Variants in NDUFAF6 observed in about 807,000 individuals in gnomAD.
NDUFAF6 encodes the protein NADH dehydrogenase (ubiquinone) complex I, assembly factor 6.
A neutral mutation model predicts 40.8 loss-of-function variants in NDUFAF6; 45 were observed. The ratio of observed to expected loss-of-function variants is 1.10; its 90% CI spans 0.87 to 1.42. The LOEUF is 1.42. NDUFAF6 is among the 40% of genes most tolerant of loss of function. NDUFAF6 has a pLI of 0.00. For missense variants in NDUFAF6, 435 were observed against 418.5 expected (o/e 1.04, Z -0.34); for synonymous variants, 185 against 155.9 (o/e 1.19, Z -1.39).
At chr8:95,100,260 C>CAAAAAAA (rs11418114), upstream of NDUFAF6, 1 of 134,204 alleles carries the variant, frequency 7.5e-6, no homozygotes, top group Non-Finnish European at 1.6e-5. Context: ...GGTCTGCATG[C>CAAAAAAA]AAAAAAAAAA....
intron 2 of NDUFAF6, among the ~76,000 whole-genome samples, chr8:95,033,495 T>TTAGATTGAA (rs1398994730): frequency 1.3e-5 from 2 of 152,228 alleles, no homozygotes; most frequent in Non-Finnish European, 2.9e-5. Context: ...TGCAGAGACT[T>TTAGATTGAA]TACATAGTCT....
At chr8:94,986,153 G>A (rs1168752609) in intron 2 of NDUFAF6, among the ~76,000 whole-genome samples, 1 of 152,158 alleles carries the variant, frequency 6.6e-6, no homozygotes, top group Admixed American at 6.5e-5. Context: ...GATTATAGGT[G>A]TGAACCACCT....
rs563461660 is a variant in NDUFAF6, at chr8:95,051,614, T to G, written c.817-560T>G. On this transcript the variant is annotated intron_variant, in intron 7 of 8. Transcript: ENST00000396124. The stretch of plus-strand genomic sequence containing the variant: ...ACCAGGTGTTCGTAGCTCAGAGTGG[T>G]AGGGAGTTAGGTTGGATGGACGAGG... 2.6e-5 allele frequency among the ~76,000 whole-genome samples: 4 copies of G among 152,008 alleles called. No individual in the cohort carries two copies. The East Asian group carries it at 7.7e-4, about 29-fold the overall frequency.
At chr8:94,985,778 C>A (rs1178804548) in intron 2 of NDUFAF6, among the ~76,000 whole-genome samples, 5 of 150,986 alleles carry the variant, frequency 3.3e-5, no homozygotes, top group Non-Finnish European at 7.4e-5. Flanking sequence ...TTGTGATTTG[C>A]CCGCCTTGGC....
At chr8:95,028,336 G>C (rs773961095) in intron 1 of NDUFAF6, among the ~76,000 whole-genome samples, 1 of 152,154 alleles carries the variant, frequency 6.6e-6, no homozygotes, top group Non-Finnish European at 1.5e-5. Context: ...TCTGGGACTG[G>C]ATAATCTCAG....
At chr8:94,986,281 AG>A (rs1370030831) in intron 2 of NDUFAF6, among the ~76,000 whole-genome samples, 9 of 152,234 alleles carry the variant, frequency 5.9e-5, no homozygotes, top group Non-Finnish European at 1.2e-4. Flanking sequence ...GAAGTTTTTA[AG>A]TAGAGCCCTG....
intron 1 of NDUFAF6, among the ~76,000 whole-genome samples, chr8:94,921,631 A>G (rs987855844): frequency 2.6e-5 from 4 of 152,144 alleles, no homozygotes; most frequent in Admixed American, 6.5e-5. Flanking sequence ...GCTCTATACA[A>G]TGCCTTCTCT....
intron 1 of NDUFAF6, among the ~76,000 whole-genome samples, chr8:94,937,363 C>T (rs888613824): frequency 6.6e-6 from 1 of 151,576 alleles, no homozygotes; most frequent in African/African-American, 2.4e-5. Flanking sequence ...ATCACTTGAA[C>T]CCGGGAGGCA....
At chr8:95,059,584 C>T (rs1367591064), downstream of NDUFAF6, among the ~76,000 whole-genome samples, 4 of 152,146 alleles carry the variant, frequency 2.6e-5, no homozygotes, top group African/African-American at 4.8e-5. Context: ...CGTGGTGGCT[C>T]ATGCCTGTCA....
Position 94,979,516 on chromosome 8 carries a change from AAGG to A in NDUFAF6, c.-198-1340_-198-1338del, listed in dbSNP as rs1356758752. Among the ~76,000 whole-genome samples the A allele has an allele frequency of 7.2e-5, 11 of 152,256 alleles. No individual in the cohort carries two copies. In the South Asian group the frequency reaches 2.3e-3, roughly 32 times the overall value. ...AAAAATCTCTTCCTGGGGTCTTATGAAGGAGATTTCAGCATGAGTTTAGTCCAC... is the reference window on the plus strand; with the variant it reads ...AAAAATCTCTTCCTGGGGTCTTATGAAGATTTCAGCATGAGTTTAGTCCAC... On this transcript the variant is annotated intron_variant, in intron 1 of 9. Coordinates refer to the NDUFAF6 transcript ENST00000396111.
intron 2 of NDUFAF6, chr8:95,033,890 C>T (rs1037064811): frequency 2.6e-6 from 1 of 391,670 alleles, no homozygotes; most frequent in African/African-American, 2.1e-5. Context: ...TTAGGGGCAC[C>T]TGGGTCAGAA....
chr8:95,023,989 CA>C (rs35426799), upstream of NDUFAF6, among the ~76,000 whole-genome samples: 11,871 of 124,196 alleles, frequency 0.096, 544 homozygotes, highest in African/African-American at 0.16. Flanking sequence ...GACTCTGTCT[CA>C]AAAAAAAAAA....
At chr8:95,091,807 A>AT (rs11326080) in intron 2 of NDUFAF6, among the ~76,000 whole-genome samples, 99 of 133,076 alleles carry the variant, frequency 7.4e-4, no homozygotes, top group South Asian at 3.6e-3. Flanking sequence ...CCCCTGGCTA[A>AT]TTTTTTTTTT....
chr8:94,925,540 A>G (rs998111437), intron 1 of NDUFAF6, among the ~76,000 whole-genome samples: 4 of 152,092 alleles, frequency 2.6e-5, no homozygotes, highest in Non-Finnish European at 4.4e-5. Flanking sequence ...TTTAGGTTAA[A>G]AAGAAATCCT....
intron 1 of NDUFAF6, among the ~76,000 whole-genome samples, chr8:94,915,190 A>T (rs1309892117): frequency 3.3e-5 from 5 of 151,466 alleles, no homozygotes; most frequent in Non-Finnish European, 5.9e-5. Flanking sequence ...AGCTCAAGTG[A>T]TCCTCCCACC....
intron 1 of NDUFAF6, among the ~76,000 whole-genome samples, chr8:94,973,437 G>A (rs534526465): frequency 1.1e-4 from 17 of 152,328 alleles, no homozygotes; most frequent in Admixed American, 2.6e-4. Flanking sequence ...GGCTGGGTGC[G>A]GTGGCTCACG....
chr8:95,035,578 TAAAA>T lies in NDUFAF6; in HGVS notation c.420+12_420+15del. On this transcript the variant is annotated splice_donor_5th_base_variant and intron_variant, in intron 3 of 8. Transcript: ENST00000396124. ...CCTGTGGCCATTGAACTATGGAAGG[TAAAA>T]AAAAAAAAATACCACTTTTAATTTG... The T allele has an allele frequency of 1.4e-6, 2 of 1,432,212 alleles. No individual in the cohort carries two copies. The highest frequency in any genetic ancestry group is 1.4e-5 in the African/African-American group (1 of 70,374). 88.7% of individuals were successfully genotyped at this position (1,432,212 alleles called of 1,614,324 possible). A position where few individuals can be genotyped will look rare whatever the true frequency, so the allele number is the denominator to read the frequency against.
intron 1 of NDUFAF6, among the ~76,000 whole-genome samples, chr8:94,919,564 A>G (rs972211227): frequency 6.6e-6 from 1 of 152,134 alleles, no homozygotes; most frequent in Non-Finnish European, 1.5e-5. Context: ...GCTACCAGGA[A>G]TACATAGCGT....
chr8:95,098,038 A>T (rs957823279), upstream of NDUFAF6, among the ~76,000 whole-genome samples: 1 of 151,762 alleles, frequency 6.6e-6, no homozygotes, highest in Non-Finnish European at 1.5e-5. Flanking sequence ...ACAGCTCCTC[A>T]TTTGTAACAG....
Sources: gnomAD v4.1 joint callset for allele counts (sites outside exome capture counted in the v4.1 genomes callset) on GRCh38, gnomAD v4.1.1 for gene constraint, MANE v1.5 for transcripts, NCBI Gene and HGNC (gene_info 2026-07-23, HGNC 2026-07-21) for gene names.